METTL15: variants seen among roughly 807,000 people sequenced by gnomAD.
METTL15 encodes 12S rRNA N(4)-cytidine methyltransferase METTL15.
METTL15 carries 34 observed loss-of-function variants against 38.3 expected under a neutral mutation model. The ratio of observed to expected loss-of-function variants is 0.89; its 90% CI spans 0.68 to 1.18. The LOEUF is 1.18. METTL15 is among the 50% of genes most tolerant of loss of function. METTL15 has a pLI of 0.00. For missense variants in METTL15, 438 were observed against 498.4 expected, an observed-to-expected ratio of 0.88 and a Z score of 1.15; for synonymous variants, 162 against 170.9, an observed-to-expected ratio of 0.95 and a Z score of 0.41.
intron 6 of METTL15, among the ~76,000 whole-genome samples, chr11:28,315,504 G>A (rs909347652): frequency 6.6e-6 from 1 of 152,206 alleles, no homozygotes; most frequent in Non-Finnish European, 1.5e-5. Context: ...GAGCATAAAA[G>A]TTTGGATAAT....
At chr11:28,464,535 C>A (rs1439181360) in intron 6 of METTL15, among the ~76,000 whole-genome samples, 1 of 152,176 alleles carries the variant, frequency 6.6e-6, no homozygotes, top group Admixed American at 6.5e-5. Context: ...CTAGAAAATT[C>A]ACTTGTGGTC....
chr11:28,454,788 G>T (rs554969054), intron 6 of METTL15, among the ~76,000 whole-genome samples: 1 of 152,260 alleles, frequency 6.6e-6, no homozygotes, highest in South Asian at 2.1e-4. Context: ...GCCATATATG[G>T]AAATTATCTT....
intron 6 of METTL15, among the ~76,000 whole-genome samples, chr11:28,426,014 C>G (rs529057556): frequency 4.6e-5 from 7 of 152,046 alleles, no homozygotes; most frequent in Non-Finnish European, 8.8e-5. Flanking sequence ...GTAATGTGTG[C>G]CATGGTGGTT....
intron 4 of METTL15, among the ~76,000 whole-genome samples, chr11:28,235,502 C>T (rs370273574): frequency 6.6e-5 from 10 of 152,078 alleles, no homozygotes; most frequent in East Asian, 5.8e-4. Flanking sequence ...TTTGTAGTTC[C>T]CCTTGAAGAG....
intron 6 of METTL15, among the ~76,000 whole-genome samples, chr11:28,459,577 A>G (rs1564937303): frequency 6.6e-6 from 1 of 152,162 alleles, no homozygotes. Context: ...AGTTACTCCT[A>G]TGATCAATTT....
chr11:28,330,868 T>A lies in METTL15; in HGVS notation c.*27T>A. 2.7e-6 allele frequency: 4 copies of A among 1,496,354 alleles called. No homozygotes were observed. Among genetic ancestry groups the A allele is most frequent in the Non-Finnish European group, 3.6e-6 (4 of 1,120,268 alleles). The allele number at this position is 1,496,354 out of a possible 1,614,324, so 92.7% of individuals were successfully genotyped here. On this transcript the variant is annotated 3_prime_UTR_variant, in exon 7 of 7. Coordinates refer to ENST00000407364, the MANE Select transcript of METTL15 (RefSeq NM_001113528.2). ...TTATCATCATCTTATTCTTCAAATT[T>A]TTTTCTCACAATTTCTCTAATCTTT...
At chr11:28,178,373 T>C (rs1397911562) in intron 3 of METTL15, among the ~76,000 whole-genome samples, 1 of 151,950 alleles carries the variant, frequency 6.6e-6, no homozygotes, top group Non-Finnish European at 1.5e-5. Context: ...TTTGTCTCCA[T>C]TTTGGGTATT....
intron 4 of METTL15, chr11:28,287,406 C>A: frequency 2.6e-6 from 1 of 389,540 alleles, no homozygotes; most frequent in South Asian, 2.1e-5. Flanking sequence ...GGGGGCTGAT[C>A]ACTCCACACT....
At chr11:28,327,888 A>C in intron 6 of METTL15, 1 of 436,428 alleles carries the variant, frequency 2.3e-6, no homozygotes, top group Non-Finnish European at 4.0e-6. Flanking sequence ...CTATTTTATG[A>C]ATTAAGAGAT....
chr11:28,289,734 T>A (rs887130255), intron 4 of METTL15, among the ~76,000 whole-genome samples: 2 of 152,160 alleles, frequency 1.3e-5, no homozygotes, highest in Non-Finnish European at 2.9e-5. Flanking sequence ...CTATTCTAAT[T>A]TATAGGAAAA....
chr11:28,273,924 C>A (rs182989105), intron 4 of METTL15, among the ~76,000 whole-genome samples: 161 of 152,072 alleles, frequency 1.1e-3, no homozygotes, highest in African/African-American at 2.1e-3. Context: ...TCACCAATCA[C>A]CCTTTTGCAA....
chr11:28,155,462 C>T (rs1850231231), intron 3 of METTL15, among the ~76,000 whole-genome samples: 1 of 152,176 alleles, frequency 6.6e-6, no homozygotes, highest in South Asian at 2.1e-4. Context: ...TGCATCCTTT[C>T]TCTCTTTACT....
chr11:28,263,305 C>G (rs1223163006), intron 4 of METTL15, among the ~76,000 whole-genome samples: 2 of 152,062 alleles, frequency 1.3e-5, no homozygotes, highest in Admixed American at 6.5e-5. Context: ...AAATGAGACT[C>G]TCTATCGTTC....
At chr11:28,373,226 C>T (rs867274058) in intron 5 of METTL15, among the ~76,000 whole-genome samples, 31 of 152,212 alleles carry the variant, frequency 2.0e-4, no homozygotes, top group Middle Eastern at 6.8e-3. Context: ...AACTAGTTTA[C>T]AGTCCCACCA....
chr11:28,426,966 T>C (rs1850871318), intron 6 of METTL15, among the ~76,000 whole-genome samples: 1 of 152,158 alleles, frequency 6.6e-6, no homozygotes, highest in South Asian at 2.1e-4. Context: ...ATTTTTGCTT[T>C]TGTTGCAATT....
intron 4 of METTL15, among the ~76,000 whole-genome samples, chr11:28,253,990 A>G (rs535699007): frequency 5.9e-5 from 9 of 152,272 alleles, no homozygotes; most frequent in African/African-American, 1.7e-4. Flanking sequence ...TCTTTTGGGT[A>G]TATACCCAGC....
chr11:28,170,626 G>A (rs1225373535), intron 3 of METTL15, among the ~76,000 whole-genome samples: 1 of 152,010 alleles, frequency 6.6e-6, no homozygotes, highest in Non-Finnish European at 1.5e-5. Context: ...CAGAGCTGAG[G>A]GTTCATCTCC....
At chr11:28,509,251 T>A (rs1230016697) in intron 6 of METTL15, among the ~76,000 whole-genome samples, 2 of 152,212 alleles carry the variant, frequency 1.3e-5, no homozygotes, top group Non-Finnish European at 2.9e-5. Context: ...TTCAAACTCT[T>A]GGATTTCAGT....
chr11:28,270,375 G>T (rs1273988989), intron 4 of METTL15, among the ~76,000 whole-genome samples: 2 of 152,084 alleles, frequency 1.3e-5, no homozygotes, highest in South Asian at 2.1e-4. Flanking sequence ...CTCCATATTG[G>T]TAACTCCTTC....
Sources: gnomAD v4.1 joint callset for allele counts (sites outside exome capture counted in the v4.1 genomes callset) on GRCh38, gnomAD v4.1.1 for gene constraint, MANE v1.5 for transcripts, NCBI Gene and HGNC (gene_info 2026-07-23, HGNC 2026-07-21) for gene names.